PCDH9: variants seen among roughly 807,000 people sequenced by gnomAD.
The protein encoded by PCDH9 is protocadherin-9.
Under a neutral mutation model 70.6 loss-of-function variants are expected in PCDH9, and 24 were observed. The ratio of observed to expected loss-of-function variants is 0.34; its 90% CI spans 0.25 to 0.48. The LOEUF is 0.48. Among genes scored for constraint, PCDH9 ranks in the 20% least tolerant of loss-of-function variants. The pLI is 0.99. For missense variants in PCDH9, 1,281 were observed against 1,503.6 expected, an observed-to-expected ratio of 0.85 and a Z score of 2.45; for synonymous variants, 562 against 558.5, an observed-to-expected ratio of 1.01 and a Z score of -0.09.
intron 4 of PCDH9, among the ~76,000 whole-genome samples, chr13:66,462,343 G>A (rs1163430835): frequency 1.3e-5 from 2 of 151,888 alleles, no homozygotes; most frequent in African/African-American, 4.8e-5. Flanking sequence ...TTTATGGTTT[G>A]AAGAATTAAA....
intron 4 of PCDH9, among the ~76,000 whole-genome samples, chr13:66,490,665 T>C (rs1959019601): frequency 1.3e-5 from 2 of 152,150 alleles, no homozygotes; most frequent in Non-Finnish European, 2.9e-5. Flanking sequence ...GAGAGTGTTT[T>C]AAGGAAGAGA....
intron 2 of PCDH9, among the ~76,000 whole-genome samples, chr13:67,096,494 G>A (rs987726233): frequency 6.6e-6 from 1 of 152,116 alleles, no homozygotes; most frequent in African/African-American, 2.4e-5. Context: ...AGATTGATAA[G>A]GTTCTCAGCA....
At chr13:66,534,521 AG>A (rs1380268448) in intron 4 of PCDH9, among the ~76,000 whole-genome samples, 1 of 152,036 alleles carries the variant, frequency 6.6e-6, no homozygotes, top group Non-Finnish European at 1.5e-5. Context: ...CCCACTCCTG[AG>A]GGCCCCAATC....
At chr13:67,096,874 C>G (rs962212049) in intron 2 of PCDH9, among the ~76,000 whole-genome samples, 2 of 152,006 alleles carry the variant, frequency 1.3e-5, no homozygotes, top group East Asian at 3.9e-4. Flanking sequence ...TAAAAAAACC[C>G]TATGTAAAAC....
intron 2 of PCDH9, among the ~76,000 whole-genome samples, chr13:66,927,562 A>C (rs2082736535): frequency 6.6e-6 from 1 of 152,104 alleles, no homozygotes; most frequent in South Asian, 2.1e-4. Flanking sequence ...AAAAACAAAA[A>C]CAAAGAAAAC....
chr13:67,072,402 C>A (rs541129611), intron 2 of PCDH9, among the ~76,000 whole-genome samples: 412 of 152,212 alleles, frequency 2.7e-3, no homozygotes, highest in Non-Finnish European at 4.1e-3. Flanking sequence ...CCCATTAGAT[C>A]GTACCCTCTT....
chr13:66,534,666 T>A (rs912318545), intron 4 of PCDH9, among the ~76,000 whole-genome samples: 10 of 152,162 alleles, frequency 6.6e-5, no homozygotes, highest in African/African-American at 2.2e-4. Flanking sequence ...GTATGCTTAT[T>A]TTCCTTTCTC....
At chr13:66,314,727 G>C (rs1955620193) in intron 4 of PCDH9, among the ~76,000 whole-genome samples, 1 of 152,142 alleles carries the variant, frequency 6.6e-6, no homozygotes, top group South Asian at 2.1e-4. Context: ...TGATGACCTA[G>C]TTGCTCAATG....
intron 4 of PCDH9, among the ~76,000 whole-genome samples, chr13:66,515,281 T>C (rs889684659): frequency 2.6e-5 from 4 of 152,016 alleles, no homozygotes; most frequent in African/African-American, 9.7e-5. Context: ...CAAAATATAA[T>C]TGGTGTTTGA....
intron 4 of PCDH9, among the ~76,000 whole-genome samples, chr13:66,603,804 T>C (rs1340875307): frequency 6.6e-6 from 1 of 152,024 alleles, no homozygotes; most frequent in East Asian, 1.9e-4. Flanking sequence ...GACTTTGTTA[T>C]GTAATTATGC....
At chr13:66,722,751 T>C in intron 3 of PCDH9, among the ~76,000 whole-genome samples, 1 of 152,044 alleles carries the variant, frequency 6.6e-6, no homozygotes, top group Non-Finnish European at 1.5e-5. Flanking sequence ...GCTGATCACC[T>C]CAGGTCAGGA....
chr13:67,112,649 CCCTCCCTCCCTT>C lies in PCDH9; in HGVS notation c.3036+112744_3036+112755del, dbSNP rs559376502. The stretch of plus-strand genomic sequence containing the variant: ...TTTCTTCCTTTCTCTCTTTCTCTCT[CCCTCCCTCCCTT>C]CCTCCCTCCCTTCCTCCCTCGCTCC... On this transcript the variant is annotated intron_variant, in intron 2 of 4. Coordinates refer to ENST00000377865, the MANE Select transcript of PCDH9 (RefSeq NM_203487.3). 8.0e-5 allele frequency among the ~76,000 whole-genome samples: 12 copies of C among 150,744 alleles called. No individual in the cohort carries two copies. The South Asian group carries it at 1.3e-3, about 16-fold the overall frequency.
At position 66,320,820 on chromosome 13, in the gene PCDH9, G is replaced by A. The variant is rs117987554; in HGVS notation, c.3341-15792C>T. On this transcript the variant is annotated intron_variant, in intron 4 of 4. Transcript: ENST00000377865. ...TTAATTATAGTTCCGAAGCCTCATT[G>A]ATTAAAATGTGACACAGGTGATAGA... Among the ~76,000 whole-genome samples, 619 of 152,040 alleles carry A rather than the reference G, an allele frequency of 4.1e-3. 13 individuals carry two copies. In the East Asian group the frequency reaches 0.054, roughly 13 times the overall value.
At chr13:66,789,854 C>T (rs1489622309) in intron 3 of PCDH9, among the ~76,000 whole-genome samples, 1 of 152,076 alleles carries the variant, frequency 6.6e-6, no homozygotes, top group Admixed American at 6.6e-5. Context: ...CTGTCATTTA[C>T]TTGGTGTCTA....
At chr13:66,574,910 T>C (rs1347715806) in intron 4 of PCDH9, among the ~76,000 whole-genome samples, 1 of 152,122 alleles carries the variant, frequency 6.6e-6, no homozygotes, top group Admixed American at 6.6e-5. Context: ...CAGTGGCTCA[T>C]GCCTGTAATC....
At chr13:66,794,871 CT>C (rs2080215972) in intron 3 of PCDH9, among the ~76,000 whole-genome samples, 1 of 151,678 alleles carries the variant, frequency 6.6e-6, no homozygotes, top group South Asian at 2.1e-4. Context: ...TCTATAGTAT[CT>C]TTAATAAATA....
intron 3 of PCDH9, among the ~76,000 whole-genome samples, chr13:66,816,003 T>C (rs2139370591): frequency 6.6e-6 from 1 of 152,326 alleles, no homozygotes; most frequent in Non-Finnish European, 1.5e-5. Flanking sequence ...ACATTGGGCT[T>C]GTCCTCCTAA....
chr13:66,467,233 G>GA (rs1958531580), intron 4 of PCDH9, among the ~76,000 whole-genome samples: 1 of 151,950 alleles, frequency 6.6e-6, no homozygotes. Flanking sequence ...TGTACATGTG[G>GA]AAAAAACAAT....
chr13:66,954,314 A>G (rs1234194936), intron 2 of PCDH9, among the ~76,000 whole-genome samples: 4 of 152,218 alleles, frequency 2.6e-5, no homozygotes, highest in African/African-American at 9.6e-5. Flanking sequence ...ACAATCCTGC[A>G]AGATAAAAAC....
Sources: gnomAD v4.1 joint callset for allele counts (sites outside exome capture counted in the v4.1 genomes callset) on GRCh38, gnomAD v4.1.1 for gene constraint, MANE v1.5 for transcripts, NCBI Gene and HGNC (gene_info 2026-07-23, HGNC 2026-07-21) for gene names.